The following PXDN variants were observed in gnomAD, a reference collection of about 807,000 sequenced individuals.
The protein encoded by PXDN is peroxidasin, also known as peroxidasin homolog.
PXDN carries 77 observed loss-of-function variants against 140.3 expected under a neutral mutation model. That is an observed-to-expected ratio of 0.55 (90% CI 0.46 to 0.66). The LOEUF is 0.66. Among genes scored for constraint, PXDN ranks in the 30% least tolerant of loss-of-function variants. The pLI is 0.00. For missense variants in PXDN, 1,838 were observed against 2,039.5 expected (o/e 0.90, Z 1.90); for synonymous variants, 911 against 857.4 (o/e 1.06, Z -1.09).
intron 1 of PXDN, among the ~76,000 whole-genome samples, chr2:1,705,064 TA>T (rs1254578280): frequency 1.3e-5 from 2 of 152,088 alleles, no homozygotes; most frequent in East Asian, 3.9e-4. Context: ...ACAACAGTAC[TA>T]AGAGCTCAAC....
At position 1,632,176 on chromosome 2, in the gene PXDN, A is replaced by C. The variant is rs1682427091; in HGVS notation, c.*2028T>G. 1 of 152,174 alleles carries C rather than the reference A, an allele frequency of 6.6e-6. No individual in the cohort carries two copies. Among genetic ancestry groups the C allele is most frequent in the Non-Finnish European group, 1.5e-5 (1 of 68,034 alleles). 9.4% of individuals were successfully genotyped at this position (152,174 alleles called of 1,614,324 possible). On this transcript the variant is annotated 3_prime_UTR_variant, in exon 23 of 23. Transcript: ENST00000252804. The surrounding 1 kb of genome is among the most constrained non-coding windows in gnomAD (Gnocchi z 4.3). ...ATTACAGAATTTTTTTTGGTAAATC[A>C]CAGTCAGCTTCCCCCTTTGGCTTAG...
At position 1,687,538 on chromosome 2, in the gene PXDN, C is replaced by A; in HGVS notation, c.416+94G>T. On this transcript the variant is annotated intron_variant, in intron 4 of 22. Coordinates refer to ENST00000252804, the MANE Select transcript of PXDN (RefSeq NM_012293.3). This position sits in a 1 kb window ranked among gnomAD's most constrained non-coding sequence, Gnocchi z 4.0. ...CACCTCAGGTAGCATAGTCATGCAT[C>A]ATGCAAACAGCTAGCTCACTCCACT... The A allele has an allele frequency of 1.0e-6, 1 of 955,342 alleles. No individual in the cohort carries two copies. Among genetic ancestry groups the A allele is most frequent in the Non-Finnish European group, 1.5e-6 (1 of 658,576 alleles). The allele number at this position is 955,342 out of a possible 1,614,324, so 59.2% of individuals were successfully genotyped here. A position where few individuals can be genotyped will look rare whatever the true frequency, so the allele number is the denominator to read the frequency against.
chr2:1,636,045 C>G lies in PXDN; in HGVS notation c.4207-524G>C, dbSNP rs1052209926. On this transcript the variant is annotated intron_variant, in intron 21 of 22. Coordinates refer to ENST00000252804, the MANE Select transcript of PXDN (RefSeq NM_012293.3). The stretch of plus-strand genomic sequence containing the variant: ...GCATCTTGCAGGGCCGGGGGGCAGA[C>G]AGGGTGACAGTGGCCGGAAATGCCT... 3 of 233,490 alleles carry G rather than the reference C, an allele frequency of 1.3e-5. No individual in the cohort carries two copies. The South Asian group carries it at 1.9e-4, about 15-fold the overall frequency. The allele number at this position is 233,490 out of a possible 1,614,324, so 14.5% of individuals were successfully genotyped here. A position where few individuals can be genotyped will look rare whatever the true frequency, so the allele number is the denominator to read the frequency against.
At position 1,703,223 on chromosome 2, in the gene PXDN, G is replaced by A. The variant is rs191810879; in HGVS notation, c.201-10089C>T. Reference sequence around the variant, plus strand: ...AAAGAGGGACAACTCCAGGTGAAGGGGGGGGCAACTCCTGGTGAAGGGGGG... The same window carrying A: ...AAAGAGGGACAACTCCAGGTGAAGGAGGGGGCAACTCCTGGTGAAGGGGGG... On this transcript the variant is annotated intron_variant, in intron 1 of 22. Coordinates refer to ENST00000252804, the MANE Select transcript of PXDN (RefSeq NM_012293.3). Among the ~76,000 whole-genome samples, 18 of 28,502 alleles carry A rather than the reference G, an allele frequency of 6.3e-4. 2 individuals are homozygous for A. In the East Asian group the frequency reaches 0.014, roughly 22 times the overall value. 18.7% of individuals were successfully genotyped at this position (28,502 alleles called of 152,430 possible).
chr2:1,634,061 T>C lies in PXDN; in HGVS notation c.*143A>G. 7.5e-7 allele frequency: 1 copy of C among 1,332,984 alleles called. No individual in the cohort carries two copies. Among genetic ancestry groups the C allele is most frequent in the Non-Finnish European group, 1.0e-6 (1 of 987,268 alleles). 82.6% of individuals were successfully genotyped at this position (1,332,984 alleles called of 1,614,324 possible). A position where few individuals can be genotyped will look rare whatever the true frequency, so the allele number is the denominator to read the frequency against. ...CTGGTTGGAAGCCTCCTGCACTGCCTTCTGTAACAGCACCAGCTGGACGTT... is the reference window on the plus strand; with the variant it reads ...CTGGTTGGAAGCCTCCTGCACTGCCCTCTGTAACAGCACCAGCTGGACGTT... On this transcript the variant is annotated 3_prime_UTR_variant, in exon 23 of 23. Transcript: ENST00000252804.
Position 1,713,025 on chromosome 2 carries a change from G to A in PXDN, c.201-19891C>T, listed in dbSNP as rs184402404. Among the ~76,000 whole-genome samples the A allele has an allele frequency of 8.9e-4, 135 of 152,268 alleles. 1 individual carries two copies. Among genetic ancestry groups the A allele is most frequent in the African/African-American group, 3.2e-3 (133 of 41,556 alleles). Reference sequence around the variant, plus strand: ...CAGGCGTGAGCCACTGTGTCCGGCCGTTTTGGAGTATGTTGTATATTTTTT... The same window carrying A: ...CAGGCGTGAGCCACTGTGTCCGGCCATTTTGGAGTATGTTGTATATTTTTT... On this transcript the variant is annotated intron_variant, in intron 1 of 22. Coordinates refer to ENST00000252804, the MANE Select transcript of PXDN (RefSeq NM_012293.3).
At chr2:1,720,422 C>CAG (rs200768287) in intron 1 of PXDN, among the ~76,000 whole-genome samples, 2 of 150,160 alleles carry the variant, frequency 1.3e-5, no homozygotes, top group Admixed American at 1.3e-4. Context: ...GGGAGGGATG[C>CAG]AGAGAGAGAG....
rs1683011236 is a variant in PXDN, at chr2:1,651,419, G to A, written c.2105-1744C>T. Among the ~76,000 whole-genome samples the A allele has an allele frequency of 6.6e-6, 1 of 152,162 alleles. No individual in the cohort carries two copies. The highest frequency in any genetic ancestry group is 6.5e-5 in the Admixed American group (1 of 15,278). On this transcript the variant is annotated intron_variant, in intron 16 of 22. Coordinates refer to ENST00000252804, the MANE Select transcript of PXDN (RefSeq NM_012293.3). This position sits in a 1 kb window ranked among gnomAD's most constrained non-coding sequence, Gnocchi z 4.4. Reference sequence around the variant, plus strand: ...CATCTGTCCTCACCCCATGCAGAGTGGTCACCCAGCCCGATGCTTGAAAAT... The same window carrying A: ...CATCTGTCCTCACCCCATGCAGAGTAGTCACCCAGCCCGATGCTTGAAAAT...
At chr2:1,710,053 C>T (rs1474642742) in intron 1 of PXDN, among the ~76,000 whole-genome samples, 2 of 152,198 alleles carry the variant, frequency 1.3e-5, no homozygotes, top group Admixed American at 1.3e-4. Flanking sequence ...GAGGAGCACA[C>T]GCAGCTGCGG....
intron 19 of PXDN, among the ~76,000 whole-genome samples, chr2:1,641,423 T>A (rs541181733): frequency 2.6e-5 from 4 of 152,350 alleles, no homozygotes; most frequent in African/African-American, 9.6e-5. Context: ...GTGCTGAGAT[T>A]ACAGGCATGT....
At chr2:1,654,827 G>A (rs920934509) in intron 14 of PXDN, among the ~76,000 whole-genome samples, 2 of 152,106 alleles carry the variant, frequency 1.3e-5, no homozygotes, top group African/African-American at 4.8e-5. Context: ...CTCCCTGTGT[G>A]GCCAGCCCAG....
chr2:1,663,887 G>T, intron 11 of PXDN, 124 bp from the exon 12 acceptor site: 1 of 1,238,182 alleles, frequency 8.1e-7, no homozygotes. Context: ...AATTTGGCCT[G>T]GCCCTGCATA....
Position 1,716,954 on chromosome 2 carries a change from C to G in PXDN, c.201-23820G>C, listed in dbSNP as rs368919412. ...AAAAAGAAGGCGTCACTAGCCTTGC[C>G]CCCATCCAGCCCCATGTCCCCAAAA... On this transcript the variant is annotated intron_variant, in intron 1 of 22. Coordinates refer to ENST00000252804, the MANE Select transcript of PXDN (RefSeq NM_012293.3). 5.9e-5 allele frequency among the ~76,000 whole-genome samples: 9 copies of G among 152,164 alleles called. No homozygotes were observed. In the East Asian group the frequency reaches 1.3e-3, roughly 23 times the overall value.
rs776076902 is a variant in PXDN, at chr2:1,643,411, C to T, written c.3909G>A (p.Glu1303=). ...EFPHGYGSCD[E]IPRVDLRVWQ... ...ACACCCGGAGGTCTACCCTGGGGAT[C>T]TCGTCACAGCTGCCGTAGCCGTGAG... The change falls in exon 19 of 23, where the codon GAG becomes GAA. Residue 1303 remains glutamate, a synonymous_variant. Transcript: ENST00000252804. 6.2e-7 allele frequency: 1 copy of T among 1,613,958 alleles called. No individual in the cohort carries two copies.
chr2:1,643,264 A>T, intron 19 of PXDN, 104 bp downstream of exon 19: 1 of 1,198,576 alleles, frequency 8.3e-7, no homozygotes, highest in Non-Finnish European at 1.2e-6. Context: ...TTTTGTTTTC[A>T]GTTTTCAAGA....
chr2:1,701,657 G>A (rs1016960039), intron 1 of PXDN, among the ~76,000 whole-genome samples: 8 of 152,148 alleles, frequency 5.3e-5, no homozygotes, highest in African/African-American at 9.7e-5. Flanking sequence ...CAGCTGCCTG[G>A]GTCCAGTGGT....
intron 1 of PXDN, among the ~76,000 whole-genome samples, chr2:1,697,080 C>T (rs1305432382): frequency 2.0e-5 from 3 of 152,132 alleles, no homozygotes; most frequent in Non-Finnish European, 4.4e-5. Context: ...AAATTCTGGG[C>T]CCCACCCCAA....
intron 3 of PXDN, among the ~76,000 whole-genome samples, chr2:1,690,014 G>A (rs1473925336): frequency 6.6e-6 from 1 of 152,198 alleles, no homozygotes; most frequent in Non-Finnish European, 1.5e-5. Flanking sequence ...ATAGAAGGCT[G>A]AAATAATGAA....
rs546171057 is a variant in PXDN, at chr2:1,662,262, C to T, written c.1568-78G>A. On this transcript the variant is annotated intron_variant, in intron 12 of 22. Coordinates refer to ENST00000252804, the MANE Select transcript of PXDN (RefSeq NM_012293.3). ...CTTCAGAAGAACAAAATCCCCTGCC[C>T]TCCATCAGGCCCACTCAGGGATGCT... The T allele has an allele frequency of 3.3e-6, 4 of 1,213,934 alleles. No homozygotes were observed. In the South Asian group the frequency reaches 5.2e-5, roughly 16 times the overall value. 75.2% of individuals were successfully genotyped at this position (1,213,934 alleles called of 1,614,324 possible).
Sources: gnomAD v4.1 joint callset for allele counts (sites outside exome capture counted in the v4.1 genomes callset) on GRCh38, gnomAD v4.1.1 for gene constraint, Gnocchi (gnomAD v3.1) non-coding constraint, MANE v1.5 for transcripts, NCBI Gene and HGNC (gene_info 2026-07-23, HGNC 2026-07-21) for gene names.